Variants in USP6 observed in about 807,000 individuals in gnomAD.
USP6 encodes the protein ubiquitin carboxyl-terminal hydrolase 6.
In USP6, 128 loss-of-function variants were observed where a neutral mutation model predicts 175.7. The observed-to-expected ratio is 0.73, with a 90% confidence interval of 0.63 to 0.84. USP6 has a LOEUF of 0.84. Among genes scored for constraint, USP6 ranks in the 40% least tolerant of loss-of-function variants. The pLI is 0.00. For missense variants in USP6, 1,498 were observed against 1,760.3 expected (o/e 0.85, Z 2.67); for synonymous variants, 562 against 630.6 (o/e 0.89, Z 1.63).
chr17:5,139,798 TC>T, intron 22 of USP6, 124 bp downstream of exon 22: 1 of 1,595,018 alleles, frequency 6.3e-7, no homozygotes, highest in African/African-American at 1.3e-5. Context: ...AGCAGTGCGC[TC>T]CCACTTCAGG....
At chr17:5,157,072 GTTAT>G (rs958754288) in intron 31 of USP6, among the ~76,000 whole-genome samples, 2 of 151,884 alleles carry the variant, frequency 1.3e-5, no homozygotes, top group African/African-American at 4.8e-5. Context: ...ACTTAAATAA[GTTAT>G]TTATTTATTT....
chr17:5,141,871 T>A (rs1481416145), intron 23 of USP6, 132 bp from the exon 24 acceptor site: 51 of 1,393,566 alleles, frequency 3.7e-5, no homozygotes, highest in Non-Finnish European at 4.7e-5. Flanking sequence ...TTCAAAGACC[T>A]GCTAGAGAAT....
intron 33 of USP6, among the ~76,000 whole-genome samples, chr17:5,167,407 G>C (rs2074117250): frequency 2.0e-5 from 3 of 152,150 alleles, no homozygotes; most frequent in Admixed American, 1.3e-4. Context: ...TTCAAGAAAA[G>C]TTATGGTCAT....
chr17:5,138,051 G>C, intron 20 of USP6, 70 bp from the exon 21 acceptor site: 1 of 1,611,662 alleles, frequency 6.2e-7, no homozygotes, highest in Non-Finnish European at 8.5e-7. Context: ...GGAGACTGAA[G>C]TGGCCACAGG....
At position 5,132,469 on chromosome 17, in the gene USP6, G is replaced by C. The variant is rs372190473; in HGVS notation, c.195+34G>C. On this transcript the variant is annotated intron_variant, in intron 12 of 37. Transcript: ENST00000574788. This position sits in a 1 kb window ranked among gnomAD's most constrained non-coding sequence, Gnocchi z 4.7. Reference sequence around the variant, plus strand: ...CTGATGCGTGGAGGGGCTGGTCCAGGGACGTAGGGACTGGGCGGGTGGTCA... The same window carrying C: ...CTGATGCGTGGAGGGGCTGGTCCAGCGACGTAGGGACTGGGCGGGTGGTCA... 11 of 1,611,952 alleles carry C rather than the reference G, an allele frequency of 6.8e-6. No individual in the cohort carries two copies. In the African/African-American group the frequency reaches 1.2e-4, roughly 18 times the overall value.
chr17:5,158,614 G>GAGA (rs2073938748), intron 31 of USP6, among the ~76,000 whole-genome samples: 7 of 26,356 alleles, frequency 2.7e-4, no homozygotes, highest in Admixed American at 5.3e-4. Context: ...AGGGAGAGGG[G>GAGA]GAGAGAGAGA....
intron 4 of USP6, among the ~76,000 whole-genome samples, chr17:5,122,398 T>A (rs1430532474): frequency 1.3e-5 from 2 of 152,116 alleles, no homozygotes; most frequent in African/African-American, 4.8e-5. Flanking sequence ...GGAAGGGTGA[T>A]CAGGCCTTCA....
intron 28 of USP6, 27 bp from the exon 29 acceptor site, chr17:5,147,056 C>T (rs778270227): frequency 6.3e-7 from 1 of 1,588,850 alleles, no homozygotes; most frequent in South Asian, 1.1e-5. Flanking sequence ...ACATCTCCCC[C>T]TTCTCATCTT....
At chr17:5,129,391 G>T (rs990952158) in intron 8 of USP6, 1 of 152,526 alleles carries the variant, frequency 6.6e-6, no homozygotes, top group East Asian at 1.9e-4. Flanking sequence ...CCTAAGCTGG[G>T]TCTTGATGGT....
chr17:5,139,073 C>T (rs1266150616), intron 21 of USP6, 182 bp from the exon 22 acceptor site: 11 of 1,592,540 alleles, frequency 6.9e-6, no homozygotes, highest in Non-Finnish European at 8.5e-6. Flanking sequence ...ACGGCTTCCC[C>T]ATGCCAGGCA....
Position 5,133,496 on chromosome 17 carries a change from G to A in USP6, c.330G>A (p.Trp110Ter). The change falls in exon 14 of 38, where the codon TGG (tryptophan) becomes TGA (stop). Residue 110 changes from tryptophan to a stop codon, truncating the protein, a stop_gained. Transcript: ENST00000574788. LOFTEE classifies it high-confidence loss of function. Reference protein sequence around the residue: ...GIPMNIRGPVWSVLLNIQEIK... With the variant: ...GIPMNIRGPV ...CCATGAACATCCGGGGCCCGGTGTG[G>A]TCAGTCCTCCTGAACATTCAGGAAA... 2 of 1,611,776 alleles carry A rather than the reference G, an allele frequency of 1.2e-6. No homozygotes were observed. The highest frequency in any genetic ancestry group is 1.7e-6 in the Non-Finnish European group (2 of 1,179,726).
intron 32 of USP6, 49 bp downstream of exon 32, chr17:5,161,663 T>C (rs1221320046): frequency 1.3e-6 from 2 of 1,589,572 alleles, no homozygotes; most frequent in Non-Finnish European, 1.7e-6. Context: ...CAGCTTTAGA[T>C]ATTATACAAT....
intron 28 of USP6, among the ~76,000 whole-genome samples, chr17:5,146,738 C>T (rs2073623186): frequency 6.6e-6 from 1 of 152,114 alleles, no homozygotes; most frequent in South Asian, 2.1e-4. Flanking sequence ...TTTGGGATTT[C>T]TGAACACACT....
chr17:5,131,105 C>T (rs1027193431), intron 11 of USP6, among the ~76,000 whole-genome samples: 3 of 152,166 alleles, frequency 2.0e-5, no homozygotes, highest in Non-Finnish European at 4.4e-5. Context: ...GCCCACCGGC[C>T]CCTGTCCTCC....
intron 17 of USP6, 42 bp downstream of exon 17, chr17:5,135,970 C>T (rs572555752): frequency 1.9e-5 from 31 of 1,597,158 alleles, no homozygotes; most frequent in Admixed American, 1.3e-4. Flanking sequence ...CAGCCAGACC[C>T]GGGAAAGCCA....
chr17:5,149,662 G>C (rs1182051037), intron 30 of USP6, among the ~76,000 whole-genome samples: 1 of 152,080 alleles, frequency 6.6e-6, no homozygotes, highest in South Asian at 2.1e-4. Context: ...CATAAACGCG[G>C]ATGGCTTTGG....
Position 5,174,045 on chromosome 17 carries a change from T to C in USP6, c.*1067T>C, listed in dbSNP as rs2074277701. 4.7e-6 allele frequency: 1 copy of C among 211,682 alleles called. No individual in the cohort carries two copies. The highest frequency in any genetic ancestry group is 7.2e-5 in the East Asian group (1 of 13,950). The allele number at this position is 211,682 out of a possible 1,614,324, so 13.1% of individuals were successfully genotyped here. A position where few individuals can be genotyped will look rare whatever the true frequency, so the allele number is the denominator to read the frequency against. On this transcript the variant is annotated 3_prime_UTR_variant, in exon 38 of 38. Coordinates refer to ENST00000574788, the MANE Select transcript of USP6 (RefSeq NM_001304284.2). ...ATTAGGAGTTCATAAGTATATTTAA[T>C]GAAATTGGTGGTTTTAGGAAGTCAA... is the stretch of plus-strand genomic sequence containing the variant.
intron 35 of USP6, among the ~76,000 whole-genome samples, chr17:5,169,625 A>C (rs1383008972): frequency 1.3e-5 from 2 of 152,038 alleles, no homozygotes; most frequent in Admixed American, 1.3e-4. Flanking sequence ...TATTTTTTGT[A>C]GAGATGGTGC....
At chr17:5,128,868 CAA>C in intron 7 of USP6, 82 bp from the exon 8 acceptor site, 1 of 152,798 alleles carries the variant, frequency 6.5e-6, no homozygotes, top group Admixed American at 6.5e-5. Flanking sequence ...TTTGTGGACT[CAA>C]AGGTTTTCTC....
Sources: allele counts gnomAD v4.1 joint callset (sites outside exome capture counted in the v4.1 genomes callset), GRCh38; gene constraint gnomAD v4.1.1; non-coding constraint Gnocchi (gnomAD v3.1); transcripts MANE v1.5; gene names NCBI Gene and HGNC (gene_info 2026-07-23, HGNC 2026-07-21).